The following GRM8 variants were observed in gnomAD, a reference collection of about 807,000 sequenced individuals.
The protein encoded by GRM8 is metabotropic glutamate receptor 8.
GRM8 carries 47 observed loss-of-function variants against 87.2 expected under a neutral mutation model. The observed-to-expected ratio is 0.54, with a 90% CI of 0.43 to 0.69. The LOEUF is 0.69. Among genes scored for constraint, GRM8 ranks in the 30% least tolerant of loss-of-function variants. GRM8 has a pLI of 0.00. For missense variants in GRM8, 1,019 were observed against 1,139.2 expected (o/e 0.89, Z 1.52); for synonymous variants, 396 against 404.5 (o/e 0.98, Z 0.25).
intron 6 of GRM8, among the ~76,000 whole-genome samples, chr7:126,899,590 T>A (rs1290294498): frequency 6.6e-6 from 1 of 152,178 alleles, no homozygotes; most frequent in Non-Finnish European, 1.5e-5. Flanking sequence ...AGAACTTTCC[T>A]CTCTGATTAC....
chr7:127,043,186 C>T (rs1818599200), intron 3 of GRM8, among the ~76,000 whole-genome samples: 1 of 152,156 alleles, frequency 6.6e-6, no homozygotes, highest in Admixed American at 6.5e-5. Context: ...ACTAGTTCAA[C>T]CATTGTGGAA....
At chr7:126,644,381 G>A (rs554231027) in intron 7 of GRM8, among the ~76,000 whole-genome samples, 1 of 152,240 alleles carries the variant, frequency 6.6e-6, no homozygotes, top group African/African-American at 2.4e-5. Context: ...TATGCTTTAA[G>A]ATCTAATTTT....
At chr7:126,482,965 T>A (rs1211005542) in intron 9 of GRM8, among the ~76,000 whole-genome samples, 1 of 151,502 alleles carries the variant, frequency 6.6e-6, no homozygotes, top group Non-Finnish European at 1.5e-5. Flanking sequence ...TTTTAAACTT[T>A]TTTGACAGGG....
intron 2 of GRM8, among the ~76,000 whole-genome samples, chr7:127,110,498 T>A (rs190395427): frequency 3.9e-5 from 6 of 152,338 alleles, no homozygotes; most frequent in Non-Finnish European, 7.3e-5. Flanking sequence ...ATTTTCTTTG[T>A]GCTGAGACTT....
At chr7:126,659,943 A>G (rs1006962214) in intron 7 of GRM8, among the ~76,000 whole-genome samples, 1 of 152,294 alleles carries the variant, frequency 6.6e-6, no homozygotes, top group African/African-American at 2.4e-5. Flanking sequence ...ACCTCTTTAC[A>G]TTAAATATAT....
intron 3 of GRM8, among the ~76,000 whole-genome samples, chr7:126,920,282 T>G (rs962990701): frequency 4.6e-5 from 7 of 152,134 alleles, no homozygotes; most frequent in African/African-American, 1.4e-4. Context: ...AATAAATGTC[T>G]CTTGTTTAAG....
intron 2 of GRM8, among the ~76,000 whole-genome samples, chr7:127,188,721 A>T (rs1262556394): frequency 6.6e-6 from 1 of 152,234 alleles, no homozygotes; most frequent in Non-Finnish European, 1.5e-5. Context: ...AATAGCAAGC[A>T]AAGCTTGTTA....
At chr7:126,672,625 G>C (rs1440014241) in intron 7 of GRM8, among the ~76,000 whole-genome samples, 2 of 152,152 alleles carry the variant, frequency 1.3e-5, no homozygotes, top group African/African-American at 4.8e-5. Context: ...AGCGGGAAAG[G>C]AACCCAGAAG....
intron 8 of GRM8, among the ~76,000 whole-genome samples, chr7:126,600,364 C>G (rs934393432): frequency 6.6e-6 from 1 of 151,956 alleles, no homozygotes; most frequent in Non-Finnish European, 1.5e-5. Context: ...TATAAGAAGG[C>G]CTGATTTTTC....
intron 6 of GRM8, among the ~76,000 whole-genome samples, chr7:126,877,101 T>C (rs1423221135): frequency 1.3e-5 from 2 of 152,216 alleles, no homozygotes; most frequent in African/African-American, 4.8e-5. Flanking sequence ...CCATACCCAT[T>C]GGCTTCTAAC....
In GRM8 at chr7:126,803,644, A is replaced by G. The variant is rs564238250; in HGVS notation, c.1157-33579T>C. Among the ~76,000 whole-genome samples the G allele has an allele frequency of 2.6e-5, 4 of 152,310 alleles. No homozygotes were observed. In the East Asian group the frequency reaches 7.7e-4, roughly 29 times the overall value. On this transcript the variant is annotated intron_variant, in intron 6 of 10. Coordinates refer to ENST00000339582, the MANE Select transcript of GRM8 (RefSeq NM_000845.3). ...GCACATTCTAGTTATTGTGAGATTT[A>G]AGCATTGTTCTATGACTCCACAAAC...
At chr7:126,510,529 T>TA (rs1406149244) in intron 9 of GRM8, among the ~76,000 whole-genome samples, 2 of 152,072 alleles carry the variant, frequency 1.3e-5, no homozygotes, top group African/African-American at 4.8e-5. Context: ...TCTGAAGGAC[T>TA]TTTGAAGGAA....
At chr7:126,905,658 C>T (rs971778443) in intron 3 of GRM8, among the ~76,000 whole-genome samples, 6 of 152,106 alleles carry the variant, frequency 3.9e-5, no homozygotes, top group Non-Finnish European at 5.9e-5. Context: ...TTATATTCTA[C>T]GCACTGGGCT....
chr7:127,050,903 C>T (rs1409040112), intron 3 of GRM8, among the ~76,000 whole-genome samples: 2 of 152,154 alleles, frequency 1.3e-5, no homozygotes, highest in Non-Finnish European at 2.9e-5. Context: ...CAAAAAGGAA[C>T]ACAGAATTTG....
At chr7:126,536,733 C>T (rs1319021938) in intron 8 of GRM8, among the ~76,000 whole-genome samples, 2 of 151,970 alleles carry the variant, frequency 1.3e-5, no homozygotes, top group Non-Finnish European at 2.9e-5. Context: ...TAAGAAAATA[C>T]ATTTTTGAAG....
At chr7:127,168,880 G>C (rs1270984969) in intron 2 of GRM8, among the ~76,000 whole-genome samples, 1 of 151,912 alleles carries the variant, frequency 6.6e-6, no homozygotes, top group African/African-American at 2.4e-5. Context: ...GCCAGGGGAG[G>C]GATAGCATTA....
intron 1 of GRM8, among the ~76,000 whole-genome samples, chr7:127,249,353 T>C (rs1383286815): frequency 1.3e-5 from 2 of 152,204 alleles, no homozygotes. Context: ...AGCCTGAAGA[T>C]GCATTACTGT....
chr7:127,036,075 A>T (rs1038361402), intron 3 of GRM8, among the ~76,000 whole-genome samples: 1 of 152,222 alleles, frequency 6.6e-6, no homozygotes, highest in Non-Finnish European at 1.5e-5. Context: ...TTGGACCAGT[A>T]TATTTGTTAA....
intron 3 of GRM8, among the ~76,000 whole-genome samples, chr7:126,909,572 T>C (rs1318869171): frequency 1.3e-5 from 2 of 152,184 alleles, no homozygotes; most frequent in African/African-American, 2.4e-5. Context: ...GGCAAAATGT[T>C]ATATGAAGGA....
Sources: allele counts gnomAD v4.1 joint callset (sites outside exome capture counted in the v4.1 genomes callset), GRCh38; gene constraint gnomAD v4.1.1; transcripts MANE v1.5; gene names NCBI Gene and HGNC (gene_info 2026-07-23, HGNC 2026-07-21).